The following KCNG3 variants were observed in gnomAD, a reference collection of about 807,000 sequenced individuals.
KCNG3 encodes the protein voltage-gated potassium channel regulatory subunit KCNG3.
In KCNG3, 15 loss-of-function variants were observed where a neutral mutation model predicts 29.0. The ratio of observed to expected loss-of-function variants is 0.52; its 90% CI spans 0.35 to 0.80. KCNG3 has a LOEUF of 0.80. Among genes scored for constraint, KCNG3 ranks in the 30% least tolerant of loss-of-function variants. The pLI is 0.01. For missense variants in KCNG3, 512 were observed against 605.7 expected (o/e 0.85, Z 1.62); for synonymous variants, 322 against 248.9 (o/e 1.29, Z -2.76).
intron 1 of KCNG3, among the ~76,000 whole-genome samples, chr2:42,473,516 A>C (rs1040986530): frequency 1.3e-5 from 2 of 151,656 alleles, no homozygotes; most frequent in African/African-American, 4.8e-5. Context: ...TGCCTGACTA[A>C]TTTTTGTATT....
chr2:42,461,598 C>T (rs1051455662), intron 1 of KCNG3, among the ~76,000 whole-genome samples: 4 of 152,272 alleles, frequency 2.6e-5, no homozygotes, highest in African/African-American at 9.6e-5. Context: ...CTGTGGTCCC[C>T]GGCCCCACAC....
At chr2:42,490,342 G>T (rs183577998) in intron 1 of KCNG3, among the ~76,000 whole-genome samples, 1 of 152,182 alleles carries the variant, frequency 6.6e-6, no homozygotes, top group East Asian at 1.9e-4. Context: ...TTGGAAGGCC[G>T]ACACGGGTGG....
chr2:42,428,834 C>T, the KCNG3 span, among the ~76,000 whole-genome samples: 1 of 152,094 alleles, frequency 6.6e-6, no homozygotes, highest in African/African-American at 2.4e-5. Flanking sequence ...GAAACAGGCA[C>T]GACGCTGAGT....
chr2:42,489,630 A>G (rs1427428881), intron 1 of KCNG3, among the ~76,000 whole-genome samples: 1 of 152,230 alleles, frequency 6.6e-6, no homozygotes, highest in Non-Finnish European at 1.5e-5. Context: ...AAATGCTTCA[A>G]GAGAGGAATA....
At chr2:42,464,152 G>A (rs985877950) in intron 1 of KCNG3, among the ~76,000 whole-genome samples, 2 of 152,180 alleles carry the variant, frequency 1.3e-5, no homozygotes, top group Admixed American at 1.3e-4. Context: ...TAACTAATGT[G>A]TCCAGTGCTC....
chr2:42,409,251 G>C, the KCNG3 span, among the ~76,000 whole-genome samples: 1 of 152,076 alleles, frequency 6.6e-6, no homozygotes, highest in Non-Finnish European at 1.5e-5. Flanking sequence ...TGGCCACAGA[G>C]GTTTCCTGCC....
In KCNG3 at chr2:42,453,448, T is replaced by C. The variant is rs1316529448; in HGVS notation, c.666-8869A>G. On this transcript the variant is annotated intron_variant, in intron 1 of 1. Transcript: ENST00000306078. ...GTTTTGATTTGCACTTCTGTGATCA[T>C]CAATGAGGCTGAGCACGCACCTTTT... Among the ~76,000 whole-genome samples, 3 of 152,236 alleles carry C rather than the reference T, an allele frequency of 2.0e-5. No individual in the cohort carries two copies. In the East Asian group the frequency reaches 5.8e-4, roughly 29 times the overall value.
the KCNG3 span, among the ~76,000 whole-genome samples, chr2:42,391,881 C>T: frequency 1.3e-5 from 2 of 152,024 alleles, no homozygotes; most frequent in South Asian, 4.1e-4. Flanking sequence ...GGATTACAGG[C>T]GTGAGCCACC....
At chr2:42,446,692 G>A (rs1195585773) in intron 1 of KCNG3, among the ~76,000 whole-genome samples, 1 of 152,028 alleles carries the variant, frequency 6.6e-6, no homozygotes, top group Non-Finnish European at 1.5e-5. Context: ...GGTACTTGAT[G>A]TTACTCATAA....
At chr2:42,438,882 G>C (rs1223890751), downstream of KCNG3, among the ~76,000 whole-genome samples, 2 of 149,204 alleles carry the variant, frequency 1.3e-5, no homozygotes, top group African/African-American at 5.2e-5. Context: ...GAGTGCAGAT[G>C]GGCTCTGGAA....
intron 1 of KCNG3, among the ~76,000 whole-genome samples, chr2:42,490,904 G>C (rs1572870015): frequency 2.0e-5 from 3 of 152,134 alleles, no homozygotes; most frequent in African/African-American, 7.2e-5. Flanking sequence ...AAGGGCAGAG[G>C]GGAGCTTCCT....
chr2:42,413,409 GTT>G, the KCNG3 span, among the ~76,000 whole-genome samples: 3 of 151,874 alleles, frequency 2.0e-5, no homozygotes, highest in Non-Finnish European at 1.5e-5. Flanking sequence ...TGGCCATCTT[GTT>G]TTTTTCTATT....
At chr2:42,462,969 T>C (rs555531883) in intron 1 of KCNG3, among the ~76,000 whole-genome samples, 2 of 152,324 alleles carry the variant, frequency 1.3e-5, no homozygotes, top group East Asian at 3.9e-4. Context: ...ATTGGGTTTC[T>C]TCTGTATGTC....
intron 1 of KCNG3, among the ~76,000 whole-genome samples, chr2:42,468,802 A>C (rs773925688): frequency 1.3e-5 from 2 of 151,818 alleles, no homozygotes; most frequent in Non-Finnish European, 2.9e-5. Context: ...AAAATACAAA[A>C]AAATTAGCTG....
chr2:42,462,721 G>A (rs528443785), intron 1 of KCNG3, among the ~76,000 whole-genome samples: 141 of 152,188 alleles, frequency 9.3e-4, no homozygotes, highest in Non-Finnish European at 1.5e-3. Context: ...AAAAGTCTTT[G>A]TCAGGTGAAT....
At chr2:42,404,731 A>C in the KCNG3 span, among the ~76,000 whole-genome samples, 1 of 152,116 alleles carries the variant, frequency 6.6e-6, no homozygotes, top group African/African-American at 2.4e-5. Flanking sequence ...CCATCTCACC[A>C]AAAAAACAAT....
At chr2:42,477,894 AT>A (rs966112578) in intron 1 of KCNG3, among the ~76,000 whole-genome samples, 1,737 of 17,196 alleles carry the variant, frequency 0.1, 41 homozygotes, top group African/African-American at 0.32. Flanking sequence ...ATATATATAT[AT>A]TTTTTTGAGT....
intron 1 of KCNG3, among the ~76,000 whole-genome samples, chr2:42,450,520 A>G (rs1362234223): frequency 6.6e-6 from 1 of 152,236 alleles, no homozygotes; most frequent in African/African-American, 2.4e-5. Flanking sequence ...TACTTCTGTA[A>G]AATTAAACAG....
chr2:42,463,751 G>C (rs888780608), intron 1 of KCNG3: 1 of 190,634 alleles, frequency 5.2e-6, no homozygotes. Context: ...CGCAATCTCG[G>C]TGCCTGGTGT....
Sources: gnomAD v4.1 joint callset for allele counts (sites outside exome capture counted in the v4.1 genomes callset) on GRCh38, gnomAD v4.1.1 for gene constraint, MANE v1.5 for transcripts, NCBI Gene and HGNC (gene_info 2026-07-23, HGNC 2026-07-21) for gene names.